RBM27: variants seen among roughly 807,000 people sequenced by gnomAD.
RBM27 encodes RNA-binding protein 27.
A neutral mutation model predicts 135.3 loss-of-function variants in RBM27; 22 were observed. That is an observed-to-expected ratio of 0.16 (90% CI 0.12 to 0.23). The LOEUF (loss-of-function observed/expected upper bound fraction) is 0.23. Among genes scored for constraint, RBM27 ranks in the 10% least tolerant of loss-of-function variants. The pLI is 1.00. For missense variants in RBM27, 1,009 were observed against 1,281.0 expected (o/e 0.79, Z 3.24); for synonymous variants, 481 against 442.4 (o/e 1.09, Z -1.10).
intron 1 of RBM27, among the ~76,000 whole-genome samples, chr5:146,208,888 G>T (rs963078008): frequency 6.6e-6 from 1 of 152,090 alleles, no homozygotes; most frequent in African/African-American, 2.4e-5. Flanking sequence ...ACTGCTGCTT[G>T]TTTGGCTTAG....
intron 19 of RBM27, among the ~76,000 whole-genome samples, chr5:146,273,897 A>G (rs1397450951): frequency 6.6e-6 from 1 of 152,268 alleles, no homozygotes; most frequent in Non-Finnish European, 1.5e-5. Flanking sequence ...GTCGTATGCA[A>G]ATGGCAGCTA....
At chr5:146,267,047 G>A (rs1034947831) in intron 14 of RBM27, among the ~76,000 whole-genome samples, 5 of 152,194 alleles carry the variant, frequency 3.3e-5, no homozygotes, top group African/African-American at 9.6e-5. Context: ...AAAACAACTT[G>A]TGAAATACCC....
intron 8 of RBM27, among the ~76,000 whole-genome samples, chr5:146,241,872 C>T (rs1447233429): frequency 2.6e-5 from 4 of 152,094 alleles, no homozygotes; most frequent in Non-Finnish European, 5.9e-5. Flanking sequence ...ATATCTAATA[C>T]TTTAATTTTA....
intron 8 of RBM27, among the ~76,000 whole-genome samples, chr5:146,241,387 T>C (rs1034622943): frequency 2.6e-5 from 4 of 152,336 alleles, no homozygotes; most frequent in Middle Eastern, 3.4e-3. Context: ...GAATAAGATA[T>C]TAGATCTCAT....
At position 146,223,440 on chromosome 5, in the gene RBM27, C is replaced by G. The variant is rs765920553; in HGVS notation, c.216C>G (p.Leu72=). The G allele has an allele frequency of 6.2e-7, 1 of 1,609,488 alleles. No individual in the cohort carries two copies. The highest frequency in any genetic ancestry group is 1.1e-5 in the South Asian group (1 of 90,192). Residue 72 remains leucine (L), a synonymous_variant, in exon 3 of 21, where the codon CTC becomes CTG. Coordinates refer to ENST00000265271, the MANE Select transcript of RBM27 (RefSeq NM_018989.2). ...TTGTGGACAAACTATTTGAAAGTCTCTATACTAAGAACTACCTTCCACTTT... is the reference window on the plus strand; with the variant it reads ...TTGTGGACAAACTATTTGAAAGTCTGTATACTAAGAACTACCTTCCACTTT... ...SGFVDKLFES[L]YTKNYLPLLE...
At chr5:146,238,578 A>T (rs1380977757) in intron 8 of RBM27, among the ~76,000 whole-genome samples, 4 of 152,172 alleles carry the variant, frequency 2.6e-5, no homozygotes, top group Non-Finnish European at 4.4e-5. Flanking sequence ...TTTATTGTTT[A>T]CTAAAGCTTT....
rs1302499681 is a variant in RBM27, at chr5:146,254,971, A to G, written c.1473A>G (p.Pro491=). 6.3e-7 allele frequency: 1 copy of G among 1,595,080 alleles called. No homozygotes were observed. Among genetic ancestry groups the G allele is most frequent in the Non-Finnish European group, 8.6e-7 (1 of 1,165,636 alleles). The change falls in exon 10 of 21, where the codon CCA becomes CCG. Residue 491 remains proline (P), a synonymous_variant. Transcript: ENST00000265271. ...PDTYEPDGYN[P]EAPSITSSGR... is the part of the protein sequence containing the mutation. ...CATATGAACCAGATGGTTACAACCC[A>G]GAAGCTCCTAGTATTACTAGTTCTG...
intron 19 of RBM27, among the ~76,000 whole-genome samples, chr5:146,279,234 G>A (rs577164855): frequency 5.3e-5 from 8 of 151,510 alleles, no homozygotes; most frequent in Admixed American, 5.3e-4. Flanking sequence ...TGGATCACGA[G>A]GTCAGGAGAT....
intron 18 of RBM27, 77 bp from the exon 19 acceptor site, chr5:146,271,406 A>G: frequency 7.2e-7 from 1 of 1,385,984 alleles, no homozygotes; most frequent in Non-Finnish European, 9.8e-7. Context: ...ATCTCAAAAA[A>G]AAAAAAAAAG....
At chr5:146,227,657 G>A (rs538204492) in intron 3 of RBM27, among the ~76,000 whole-genome samples, 1 of 152,136 alleles carries the variant, frequency 6.6e-6, no homozygotes, top group South Asian at 2.1e-4. Flanking sequence ...AAAATTACTG[G>A]TTCTCCAGGA....
chr5:146,206,381 TTC>T (rs1381181845), intron 1 of RBM27, among the ~76,000 whole-genome samples: 1 of 147,424 alleles, frequency 6.8e-6, no homozygotes, highest in Non-Finnish European at 1.5e-5. Flanking sequence ...TTTTTTTTCC[TTC>T]TTTTTTTTAA....
In RBM27 at chr5:146,244,838, A is replaced by T. The variant is rs116139923; in HGVS notation, c.1280-6873A>T. Reference sequence around the variant, plus strand: ...ATTACAGGCATGAGCCACCATGCCCAGCTTACCCCAATTTTAAAAACATTT... The same window carrying T: ...ATTACAGGCATGAGCCACCATGCCCTGCTTACCCCAATTTTAAAAACATTT... On this transcript the variant is annotated intron_variant, in intron 8 of 20. Transcript: ENST00000265271. Among the ~76,000 whole-genome samples, 1,514 of 152,294 alleles carry T rather than the reference A, an allele frequency of 9.9e-3. 22 individuals are homozygous for T. Among genetic ancestry groups the T allele is most frequent in the African/African-American group, 0.035 (1,444 of 41,564 alleles).
chr5:146,246,056 A>AT (rs1452524230), intron 8 of RBM27, among the ~76,000 whole-genome samples: 1 of 151,942 alleles, frequency 6.6e-6, no homozygotes, highest in South Asian at 2.1e-4. Flanking sequence ...TTAAGCTTTC[A>AT]TTTTTTCTTT....
intron 7 of RBM27, 130 bp downstream of exon 7, chr5:146,233,873 T>A (rs1757052781): frequency 1.8e-6 from 1 of 563,750 alleles, no homozygotes; most frequent in Non-Finnish European, 2.8e-6. Flanking sequence ...TATATTCCCA[T>A]AATTAAGATG....
chr5:146,248,519 G>A (rs1757732525), intron 8 of RBM27, among the ~76,000 whole-genome samples: 1 of 152,166 alleles, frequency 6.6e-6, no homozygotes, highest in African/African-American at 2.4e-5. Context: ...AGGCTGGAGT[G>A]CAGTGGTGCA....
chr5:146,270,135 G>A (rs568174942), intron 17 of RBM27, among the ~76,000 whole-genome samples: 2 of 152,202 alleles, frequency 1.3e-5, no homozygotes, highest in South Asian at 2.1e-4. Context: ...AATGTGGCAT[G>A]TTATTAAAAA....
chr5:146,234,393 C>T (rs956925336), intron 7 of RBM27, among the ~76,000 whole-genome samples: 1 of 152,098 alleles, frequency 6.6e-6, no homozygotes, highest in Non-Finnish European at 1.5e-5. Flanking sequence ...TTTCCCTTCT[C>T]TCCCATACAC....
chr5:146,211,905 GTATT>G (rs1339423820), intron 1 of RBM27, among the ~76,000 whole-genome samples: 1 of 151,960 alleles, frequency 6.6e-6, no homozygotes, highest in South Asian at 2.1e-4. Context: ...AAAATTATTA[GTATT>G]TATTTTGTTT....
chr5:146,285,936 T>G lies in RBM27; in HGVS notation c.3100-11T>G. The G allele has an allele frequency of 1.2e-6, 2 of 1,607,690 alleles. No individual in the cohort carries two copies. Among genetic ancestry groups the G allele is most frequent in the Non-Finnish European group, 1.7e-6 (2 of 1,175,174 alleles). ...GTGCCACTAAGCAGATTTTAACCTCTCTTTCTTCAGGAAACAGAAACCTCA... is the reference window on the plus strand; with the variant it reads ...GTGCCACTAAGCAGATTTTAACCTCGCTTTCTTCAGGAAACAGAAACCTCA... On this transcript the variant is annotated splice_polypyrimidine_tract_variant and intron_variant, in intron 20 of 20. Transcript: ENST00000265271.
Sources: allele counts gnomAD v4.1 joint callset (sites outside exome capture counted in the v4.1 genomes callset), GRCh38; gene constraint gnomAD v4.1.1; transcripts MANE v1.5; gene names NCBI Gene and HGNC (gene_info 2026-07-23, HGNC 2026-07-21).